The following MROH2B variants were observed in gnomAD, a reference collection of about 807,000 sequenced individuals.
The protein encoded by MROH2B is maestro heat-like repeat-containing protein family member 2B.
In MROH2B, 177 loss-of-function variants were observed where a neutral mutation model predicts 208.6. The observed-to-expected ratio is 0.85, with a 90% CI of 0.75 to 0.96. The LOEUF (loss-of-function observed/expected upper bound fraction) is 0.96. MROH2B is among the 40% of genes least tolerant of loss of function. The pLI, the probability that MROH2B is intolerant of heterozygous loss-of-function variation, is 0.00. For missense variants in MROH2B, 2,002 were observed against 1,878.7 expected (o/e 1.07, Z -1.21); for synonymous variants, 728 against 659.0 (o/e 1.10, Z -1.60).
At chr5:41,009,713 T>A (rs908368489) in intron 31 of MROH2B, among the ~76,000 whole-genome samples, 1 of 152,192 alleles carries the variant, frequency 6.6e-6, no homozygotes, top group Non-Finnish European at 1.5e-5. Flanking sequence ...TTGTTAAAAA[T>A]ATTATTATGC....
intron 24 of MROH2B, among the ~76,000 whole-genome samples, chr5:41,019,443 C>T (rs534832231): frequency 3.9e-4 from 59 of 152,262 alleles, no homozygotes; most frequent in African/African-American, 1.3e-3. Context: ...ATCAATTTCA[C>T]GTCTCTTTTC....
At position 41,059,342 on chromosome 5, in the gene MROH2B, C is replaced by T. The variant is rs149100204; in HGVS notation, c.616-1139G>A. On this transcript the variant is annotated intron_variant, in intron 6 of 41. Coordinates refer to ENST00000399564, the MANE Select transcript of MROH2B (RefSeq NM_173489.5). ...GTTATGTTGAAGAAAACATAATACA[C>T]ATAGGACCCATGGATAAACACTGGT... Among the ~76,000 whole-genome samples the T allele has an allele frequency of 2.8e-4, 42 of 152,264 alleles. 1 individual carries two copies. In the East Asian group the frequency reaches 7.9e-3, roughly 29 times the overall value.
chr5:41,047,987 A>G (rs953150648), intron 16 of MROH2B, among the ~76,000 whole-genome samples: 3 of 152,178 alleles, frequency 2.0e-5, no homozygotes, highest in South Asian at 2.1e-4. Flanking sequence ...GCTAATTTTG[A>G]TGACTACTGA....
intron 21 of MROH2B, among the ~76,000 whole-genome samples, chr5:41,034,354 G>A (rs1053308753): frequency 6.6e-6 from 1 of 152,072 alleles, no homozygotes; most frequent in Non-Finnish European, 1.5e-5. Context: ...TTTAGTACAT[G>A]CTGAATTCAC....
intron 37 of MROH2B, among the ~76,000 whole-genome samples, chr5:41,001,139 G>A (rs927779833): frequency 6.6e-6 from 1 of 152,082 alleles, no homozygotes; most frequent in Non-Finnish European, 1.5e-5. Context: ...GATACACAGG[G>A]GTACTCATAG....
intron 31 of MROH2B, 70 bp from the exon 32 acceptor site, chr5:41,009,476 T>C: frequency 6.4e-7 from 1 of 1,562,986 alleles, no homozygotes. Flanking sequence ...TCCATCTGAC[T>C]CACTCTAAAA....
At chr5:41,069,856 TCTC>T (rs1743931239) in intron 1 of MROH2B, 104 bp from the exon 2 acceptor site, 2 of 765,306 alleles carry the variant, frequency 2.6e-6, no homozygotes, top group Non-Finnish European at 4.4e-6. Context: ...TTATCCTCTC[TCTC>T]TCTCTCTCCC....
intron 24 of MROH2B, among the ~76,000 whole-genome samples, chr5:41,023,286 A>C (rs1055636268): frequency 2.0e-5 from 3 of 152,190 alleles, no homozygotes; most frequent in Non-Finnish European, 2.9e-5. Flanking sequence ...GGAAGCTAAA[A>C]ATCTTGAAAA....
In MROH2B at chr5:41,018,886, A is replaced by G; in HGVS notation, c.2574T>C (p.Ile858=). ...CTTAGGCCTCACTAGTGCATACTTG[A>G]ATGTGCTCCTTGTCCTTGTCTGTCT... The part of the protein sequence containing the change: ...EGQTDKDKEH[I]QFLYERSMDA... Residue 858 remains isoleucine, a synonymous_variant, in exon 25 of 42, where the codon ATT becomes ATC. Transcript: ENST00000399564. 2 of 1,613,866 alleles carry G rather than the reference A, an allele frequency of 1.2e-6. No individual in the cohort carries two copies. Among genetic ancestry groups the G allele is most frequent in the African/African-American group, 1.3e-5 (1 of 75,030 alleles).
chr5:41,051,786 A>AT (rs375066367), intron 12 of MROH2B, among the ~76,000 whole-genome samples: 129 of 152,276 alleles, frequency 8.5e-4, no homozygotes, highest in Middle Eastern at 3.4e-3. Context: ...AGAAATAAAT[A>AT]TTTTTTGTTT....
At chr5:41,060,217 TCTTTACCA>T (rs971543861) in intron 6 of MROH2B, among the ~76,000 whole-genome samples, 7 of 152,154 alleles carry the variant, frequency 4.6e-5, no homozygotes, top group Admixed American at 1.3e-4. Flanking sequence ...TTAATTGATC[TCTTTACCA>T]CTTATGAGCT....
At chr5:41,070,592 C>T (rs576214365) in intron 1 of MROH2B, among the ~76,000 whole-genome samples, 22 of 152,254 alleles carry the variant, frequency 1.4e-4, no homozygotes, top group South Asian at 6.2e-4. Context: ...ACTTTCTCCT[C>T]AGGTAGACTC....
rs62360761 is a variant in MROH2B at position 41,064,666 on chromosome 5, C to T, written c.362-96G>A. On this transcript the variant is annotated intron_variant, in intron 4 of 41. Coordinates refer to ENST00000399564, the MANE Select transcript of MROH2B (RefSeq NM_173489.5). ...CAACAAGAAGCATTTCAGGGCTGCA[C>T]GGAGGAGGCAGATGAGGTGTAGTAG... 110 of 828,730 alleles carry T rather than the reference C, an allele frequency of 1.3e-4. No individual in the cohort carries two copies. In the Middle Eastern group the frequency reaches 2.3e-3, roughly 18 times the overall value. The allele number at this position is 828,730 out of a possible 1,614,324, so 51.3% of individuals were successfully genotyped here.
At chr5:41,002,896 A>G (rs1170071311) in intron 37 of MROH2B, among the ~76,000 whole-genome samples, 2 of 152,178 alleles carry the variant, frequency 1.3e-5, no homozygotes, top group Non-Finnish European at 2.9e-5. Context: ...AACAACGAAG[A>G]AAAAGAATAT....
intron 6 of MROH2B, 131 bp from the exon 7 acceptor site, chr5:41,058,334 A>T: frequency 1.1e-6 from 1 of 906,876 alleles, no homozygotes; most frequent in Non-Finnish European, 1.5e-6. Flanking sequence ...AATTCTTTAA[A>T]TTCTTTAAAA....
At position 41,012,832 on chromosome 5, in the gene MROH2B, A is replaced by G. The variant is rs1259553689; in HGVS notation, c.2983-97T>C. 2.7e-6 allele frequency: 4 copies of G among 1,461,026 alleles called. No homozygotes were observed. In the African/African-American group the frequency reaches 4.2e-5, roughly 16 times the overall value. 90.5% of individuals were successfully genotyped at this position (1,461,026 alleles called of 1,614,324 possible). A position where few individuals can be genotyped will look rare whatever the true frequency, so the allele number is the denominator to read the frequency against. On this transcript the variant is annotated intron_variant, in intron 29 of 41. Transcript: ENST00000399564. Reference sequence around the variant, plus strand: ...TTGTGGTTTGTTTTGGGTATTAGAAACCACTGAACTTTTCAACAGTTTTGA... The same window carrying G: ...TTGTGGTTTGTTTTGGGTATTAGAAGCCACTGAACTTTTCAACAGTTTTGA...
rs753912436 is a variant in MROH2B, at chr5:41,045,803, C to T, written c.1779G>A (p.Gln593=). 3 of 1,613,456 alleles carry T rather than the reference C, an allele frequency of 1.9e-6. No homozygotes were observed. In the African/African-American group the frequency reaches 4.0e-5, roughly 22 times the overall value. ...TTTGCTGTTTGAAATCCTGAGTCAG[C>T]TGAATGGTCCAGGCCACATCACTGA... is the stretch of plus-strand genomic sequence containing the variant. ...WKISDVAWTI[Q]LTQDFKQQMG... Residue 593 remains glutamine, a synonymous_variant, in exon 18 of 42, where the codon CAG becomes CAA. Coordinates refer to ENST00000399564, the MANE Select transcript of MROH2B (RefSeq NM_173489.5).
At chr5:41,033,291 T>C in intron 22 of MROH2B, 131 bp from the exon 23 acceptor site, 4 of 1,297,340 alleles carry the variant, frequency 3.1e-6, no homozygotes, top group Non-Finnish European at 4.2e-6. Flanking sequence ...CCATCTCTAC[T>C]CCAGACTAGG....
Position 41,023,272 on chromosome 5 carries a change from G to A in MROH2B, c.2442-4254C>T, listed in dbSNP as rs552499755. 3.3e-5 allele frequency among the ~76,000 whole-genome samples: 5 copies of A among 152,258 alleles called. No individual in the cohort carries two copies. The East Asian group carries it at 5.8e-4, about 18-fold the overall frequency. ...CTAAAGGAGGAAGTTCGAACCCATC[G>A]CAAGGAAGCTAAAAATCTTGAAAAA... is the stretch of plus-strand genomic sequence containing the variant. On this transcript the variant is annotated intron_variant, in intron 24 of 41. Transcript: ENST00000399564.
Sources: allele counts gnomAD v4.1 joint callset (sites outside exome capture counted in the v4.1 genomes callset), GRCh38; gene constraint gnomAD v4.1.1; transcripts MANE v1.5; gene names NCBI Gene and HGNC (gene_info 2026-07-23, HGNC 2026-07-21).